The following LOXL2 variants were observed in gnomAD, a reference collection of about 807,000 sequenced individuals.
LOXL2 encodes the protein lysyl oxidase like 2, also known as lysyl oxidase homolog 2.
In LOXL2, 70 loss-of-function variants were observed where a neutral mutation model predicts 93.0. The ratio of observed to expected loss-of-function variants is 0.75; its 90% CI spans 0.62 to 0.92. The LOEUF (loss-of-function observed/expected upper bound fraction) is 0.92. Among genes scored for constraint, LOXL2 ranks in the 40% least tolerant of loss-of-function variants. LOXL2 has a pLI of 0.00. For synonymous variants in LOXL2, 438 were observed against 413.2 expected (o/e 1.06, Z -0.73); for missense variants, 973 against 1,054.9 (o/e 0.92, Z 1.08).
intron 3 of LOXL2, among the ~76,000 whole-genome samples, chr8:23,358,942 C>T (rs920042728): frequency 4.0e-5 from 6 of 151,170 alleles, no homozygotes; most frequent in Admixed American, 1.3e-4. Flanking sequence ...CCTGGGTTCA[C>T]GCCATTCTCC....
intron 3 of LOXL2, among the ~76,000 whole-genome samples, chr8:23,356,121 T>C (rs1333954070): frequency 2.6e-5 from 4 of 152,194 alleles, no homozygotes; most frequent in African/African-American, 7.2e-5. Flanking sequence ...GTATCTCCCA[T>C]AGATTTTATC....
At chr8:23,355,067 C>T (rs1051040540) in intron 3 of LOXL2, among the ~76,000 whole-genome samples, 1 of 150,474 alleles carries the variant, frequency 6.6e-6, no homozygotes, top group African/African-American at 2.4e-5. Flanking sequence ...CAACCTCAAC[C>T]TCCCAAGTAG....
At chr8:23,322,014 G>T in intron 7 of LOXL2, 116 bp downstream of exon 7, 1 of 1,152,114 alleles carries the variant, frequency 8.7e-7, no homozygotes, top group South Asian at 1.5e-5. Flanking sequence ...AAGTGGCAAT[G>T]TCTGCAGCAG....
At chr8:23,354,949 A>AT (rs60819350) in intron 3 of LOXL2, among the ~76,000 whole-genome samples, 9 of 77,694 alleles carry the variant, frequency 1.2e-4, no homozygotes, top group Non-Finnish European at 1.9e-4. Context: ...ATATATATAT[A>AT]TTTTTTTTTT....
In LOXL2 at chr8:23,329,540, G is replaced by A. The variant is rs111555723; in HGVS notation, c.967-975C>T. On this transcript the variant is annotated intron_variant, in intron 5 of 13. Coordinates refer to ENST00000389131, the MANE Select transcript of LOXL2 (RefSeq NM_002318.3). Reference sequence around the variant, plus strand: ...TTGCATCTGTTTCTCTGCATGTGTGGCACGTGTGTGTGTAAGCTCACCTGC... The same window carrying A: ...TTGCATCTGTTTCTCTGCATGTGTGACACGTGTGTGTGTAAGCTCACCTGC... Among the ~76,000 whole-genome samples the A allele has an allele frequency of 5.9e-4, 88 of 150,106 alleles. 2 individuals carry two copies. Among genetic ancestry groups the A allele is most frequent in the African/African-American group, 2.1e-3 (86 of 41,500 alleles).
At chr8:23,332,467 AC>A (rs373708250) in intron 5 of LOXL2, among the ~76,000 whole-genome samples, 1,042 of 65,870 alleles carry the variant, frequency 0.016, 14 homozygotes, top group Non-Finnish European at 0.024. Context: ...CCACACACAT[AC>A]CCCCCACACA....
At chr8:23,299,648 G>A (rs968097167) in intron 12 of LOXL2, among the ~76,000 whole-genome samples, 8 of 152,168 alleles carry the variant, frequency 5.3e-5, no homozygotes, top group Non-Finnish European at 1.2e-4. Flanking sequence ...AAGAGAAAGG[G>A]AGGGAGAGGG....
intron 1 of LOXL2, among the ~76,000 whole-genome samples, chr8:23,397,571 G>A (rs1026232914): frequency 6.6e-6 from 1 of 152,000 alleles, no homozygotes; most frequent in Non-Finnish European, 1.5e-5. Context: ...GAGGTCAGGA[G>A]ATCGAGACCA....
chr8:23,303,512 CG>C, intron 10 of LOXL2, 115 bp from the exon 11 acceptor site: 1 of 662,548 alleles, frequency 1.5e-6, no homozygotes, highest in Non-Finnish European at 2.7e-6. Context: ...CAGAGGGGGC[CG>C]GGTGGGGAGA....
At chr8:23,318,718 C>A (rs139119545) in intron 8 of LOXL2, among the ~76,000 whole-genome samples, 136 of 152,318 alleles carry the variant, frequency 8.9e-4, no homozygotes, top group African/African-American at 3.0e-3. Flanking sequence ...TTTTTCCACT[C>A]TCCTTGGAGA....
intron 3 of LOXL2, among the ~76,000 whole-genome samples, chr8:23,351,990 T>G (rs1804101457): frequency 6.6e-6 from 1 of 152,154 alleles, no homozygotes; most frequent in Non-Finnish European, 1.5e-5. Flanking sequence ...TTTTGTATTT[T>G]TAGTAGAGAT....
chr8:23,356,751 C>T (rs1410316555), intron 3 of LOXL2, among the ~76,000 whole-genome samples: 1 of 152,212 alleles, frequency 6.6e-6, no homozygotes, highest in Non-Finnish European at 1.5e-5. Context: ...TAGGAAAATG[C>T]AGAGTGTGTA....
chr8:23,343,402 G>A (rs1009534916), intron 3 of LOXL2, among the ~76,000 whole-genome samples: 6 of 152,172 alleles, frequency 3.9e-5, no homozygotes, highest in Admixed American at 6.5e-5. Flanking sequence ...GGGCCACCCC[G>A]AGGTGCAGTG....
intron 8 of LOXL2, among the ~76,000 whole-genome samples, chr8:23,318,935 G>A (rs1803449506): frequency 6.6e-6 from 1 of 152,170 alleles, no homozygotes; most frequent in South Asian, 2.1e-4. Context: ...GACCCACCCA[G>A]CCCATGGGAG....
chr8:23,361,086 A>G (rs958235530), intron 2 of LOXL2, among the ~76,000 whole-genome samples: 2 of 151,854 alleles, frequency 1.3e-5, no homozygotes, highest in Non-Finnish European at 2.9e-5. Flanking sequence ...ATTTTAGTAG[A>G]GATGGAGTGT....
chr8:23,376,111 T>C (rs928775768), intron 1 of LOXL2, among the ~76,000 whole-genome samples: 2 of 150,134 alleles, frequency 1.3e-5, no homozygotes, highest in Admixed American at 6.6e-5. Context: ...AAGATACGTC[T>C]AATCGATACC....
At chr8:23,357,658 TC>T (rs1352663626) in intron 3 of LOXL2, among the ~76,000 whole-genome samples, 2 of 152,090 alleles carry the variant, frequency 1.3e-5, no homozygotes, top group Non-Finnish European at 2.9e-5. Flanking sequence ...TTTTTTTTTT[TC>T]AAGCCATCAA....
At position 23,297,642 on chromosome 8, in the gene LOXL2, G is replaced by C. The variant is rs945253715; in HGVS notation, c.*401C>G. On this transcript the variant is annotated 3_prime_UTR_variant, in exon 14 of 14. Transcript: ENST00000389131. The stretch of plus-strand genomic sequence containing the variant: ...ATGGGGTTCGGCCTGACCCTCTCTG[G>C]GGGGGCTGATGAGCCCGCATTTGTC... 1.7e-5 allele frequency: 3 copies of C among 174,500 alleles called. No homozygotes were observed. Among genetic ancestry groups the C allele is most frequent in the Non-Finnish European group, 2.4e-5 (2 of 82,658 alleles). 10.8% of individuals were successfully genotyped at this position (174,500 alleles called of 1,614,324 possible). A position where few individuals can be genotyped will look rare whatever the true frequency, so the allele number is the denominator to read the frequency against.
At chr8:23,380,449 C>T (rs1045267213) in intron 1 of LOXL2, among the ~76,000 whole-genome samples, 1 of 150,194 alleles carries the variant, frequency 6.7e-6, no homozygotes, top group Non-Finnish European at 1.5e-5. Context: ...CTGTAAACTG[C>T]TCTACCCATT....
Sources: gnomAD v4.1 joint callset for allele counts (sites outside exome capture counted in the v4.1 genomes callset) on GRCh38, gnomAD v4.1.1 for gene constraint, MANE v1.5 for transcripts, NCBI Gene and HGNC (gene_info 2026-07-23, HGNC 2026-07-21) for gene names.